Variants in PCM1 observed in about 807,000 individuals in gnomAD.
The protein encoded by PCM1 is pericentriolar material 1 protein.
Under a neutral mutation model 241.9 loss-of-function variants are expected in PCM1, and 157 were observed. The observed-to-expected ratio is 0.65, with a 90% CI of 0.57 to 0.74. The LOEUF (loss-of-function observed/expected upper bound fraction) is 0.74, where lower values mean the gene tolerates loss of function less well. Among genes scored for constraint, PCM1 ranks in the 30% least tolerant of loss-of-function variants. The probability of loss-of-function intolerance (pLI) is 0.00; values close to 1 mark genes in which losing one functional copy is unlikely to be tolerated. For missense variants in PCM1, 3,478 were observed against 2,360.1 expected (o/e 1.47, Z -9.81); for synonymous variants, 1,085 against 784.9 (o/e 1.38, Z -6.39).
Position 17,938,962 on chromosome 8 carries a change from G to C in PCM1, c.565G>C (p.Val189Leu). ...LSNDLLQNCQ[V>L]SEEDGRGEPA... ...TAATGACCTCTTGCAAAACTGTCAG[G>C]TGTCTGAAGAAGATGGGAGGGGAGA... Residue 189 changes from valine to leucine, a missense_variant, in exon 5 of 39, where the codon GTG becomes CTG. Physicochemically the swap from Val to Leu is conservative, Grantham distance 32. Transcript: ENST00000325083. 1 of 1,613,766 alleles carries C rather than the reference G, an allele frequency of 6.2e-7. No individual in the cohort carries two copies. Among genetic ancestry groups the C allele is most frequent in the South Asian group, 1.1e-5 (1 of 91,080 alleles).
chr8:17,937,184 G>A lies in PCM1; in HGVS notation c.147G>A (p.Lys49=), dbSNP rs2060678646. ...KKANRSSEKN[K]KKFGVESDKR... ...CAAATAGATCATCAGAAAAGAATAAGAAAAAGTTTGGTGTAGAAAGTGATA... is the reference window on the plus strand; with the variant it reads ...CAAATAGATCATCAGAAAAGAATAAAAAAAAGTTTGGTGTAGAAAGTGATA... Residue 49 remains lysine, a synonymous_variant, in exon 4 of 39, where the codon AAG becomes AAA. Coordinates refer to ENST00000325083, the MANE Select transcript of PCM1 (RefSeq NM_006197.4). 4.4e-6 allele frequency: 7 copies of A among 1,590,514 alleles called. No homozygotes were observed. Among genetic ancestry groups the A allele is most frequent in the Non-Finnish European group, 6.0e-6 (7 of 1,166,756 alleles).
intron 21 of PCM1, among the ~76,000 whole-genome samples, chr8:17,969,010 C>G (rs1406648737): frequency 6.6e-6 from 1 of 151,552 alleles, no homozygotes; most frequent in African/African-American, 2.4e-5. Flanking sequence ...TTTTGTGAAA[C>G]CTTCCCAGTC....
In PCM1 at chr8:17,960,397, A is replaced by G. The variant is rs776937740; in HGVS notation, c.2275A>G (p.Ile759Val). 5.0e-6 allele frequency: 8 copies of G among 1,606,972 alleles called. No individual in the cohort carries two copies. The highest frequency in any genetic ancestry group is 6.8e-6 in the Non-Finnish European group (8 of 1,177,482). The change falls in exon 15 of 39, where the codon ATT becomes GTT. Residue 759 changes from isoleucine to valine, a missense_variant. Physicochemically the swap from Ile to Val is conservative, Grantham distance 29 (BLOSUM62 3). Coordinates refer to ENST00000325083, the MANE Select transcript of PCM1 (RefSeq NM_006197.4). Reference protein sequence around the residue: ...LQEERKKLIDIQEKIQALQTA... With the variant: ...LQEERKKLIDVQEKIQALQTA... ...GGAAGAAAGAAAGAAACTGATTGAC[A>G]TTCAGGAGAAAATTCAAGCATTGCA...
At chr8:18,001,458 T>C (rs1308220454) in intron 29 of PCM1, among the ~76,000 whole-genome samples, 1 of 152,204 alleles carries the variant, frequency 6.6e-6, no homozygotes, top group Admixed American at 6.5e-5. Flanking sequence ...CCATCAACAT[T>C]GATAGTATCA....
intron 36 of PCM1, among the ~76,000 whole-genome samples, chr8:18,019,876 T>C (rs1231298361): frequency 1.3e-5 from 2 of 152,188 alleles, no homozygotes; most frequent in African/African-American, 4.8e-5. Context: ...GTGATCTGAC[T>C]GCAGAGAGAA....
rs1480345182 is a variant in PCM1, at chr8:18,009,506, G to C, written c.4963-41G>C. 8 of 1,292,100 alleles carry C rather than the reference G, an allele frequency of 6.2e-6. No homozygotes were observed. The Admixed American group carries it at 8.4e-5, about 14-fold the overall frequency. The allele number at this position is 1,292,100 out of a possible 1,614,324, so 80.0% of individuals were successfully genotyped here. ...AAAGTAATAGTATTTTATAATTGAA[G>C]TTTACTGTCTTTAAAAATTATTTGG... On this transcript the variant is annotated intron_variant, in intron 30 of 38. Transcript: ENST00000325083.
chr8:17,973,031 T>A (rs1564074802), intron 23 of PCM1, among the ~76,000 whole-genome samples: 1 of 152,146 alleles, frequency 6.6e-6, no homozygotes, highest in Non-Finnish European at 1.5e-5. Context: ...TCTTTGGTCA[T>A]GACTTTTAGA....
chr8:17,991,706 T>C lies in PCM1; in HGVS notation c.4690+6T>C. On this transcript the variant is annotated splice_donor_region_variant and intron_variant, in intron 28 of 38. Coordinates refer to ENST00000325083, the MANE Select transcript of PCM1 (RefSeq NM_006197.4). ...TACAGTTAATAATTTAGAAGGTATA[T>C]ATTTTTGTTTTCGGTAGGTTTTTGG... 1 of 1,539,910 alleles carries C rather than the reference T, an allele frequency of 6.5e-7. No homozygotes were observed. Among genetic ancestry groups the C allele is most frequent in the African/African-American group, 1.4e-5 (1 of 72,642 alleles).
chr8:17,964,597 A>C lies in PCM1; in HGVS notation c.2684A>C (p.Gln895Pro). Reference protein sequence around the residue: ...KTMATWGGSTQCALDEEGDED... With the variant: ...KTMATWGGSTPCALDEEGDED... ...ATGGCAACTTGGGGAGGGTCTACCC[A>C]GTGTGCACTAGATGAAGAAGGAGAT... The change falls in exon 18 of 39, where the codon CAG (glutamine) becomes CCG (proline). Residue 895 changes from glutamine (Q) to proline (P), a missense_variant. Gln to Pro is a moderately conservative substitution (Grantham distance 76). Transcript: ENST00000325083. 6.2e-7 allele frequency: 1 copy of C among 1,613,856 alleles called. No individual in the cohort carries two copies. The highest frequency in any genetic ancestry group is 8.5e-7 in the Non-Finnish European group (1 of 1,179,808).
rs531824514 is a variant in PCM1 at position 17,939,406 on chromosome 8, G to A, written c.613-285G>A. On this transcript the variant is annotated intron_variant, in intron 5 of 38. Coordinates refer to ENST00000325083, the MANE Select transcript of PCM1 (RefSeq NM_006197.4). The stretch of plus-strand genomic sequence containing the variant: ...ATTAGGAAAATTTATATAAAAAATT[G>A]TATGCAGTTGTAGAAGTAAAATTTT... Among the ~76,000 whole-genome samples the A allele has an allele frequency of 8.8e-4, 133 of 151,738 alleles. 1 individual carries two copies. Among genetic ancestry groups the A allele is most frequent in the African/African-American group, 2.9e-3 (120 of 41,386 alleles).
At chr8:17,969,176 TC>T (rs2076052806) in intron 21 of PCM1, among the ~76,000 whole-genome samples, 1 of 152,188 alleles carries the variant, frequency 6.6e-6, no homozygotes, top group Admixed American at 6.5e-5. Flanking sequence ...ATCATCTTTT[TC>T]ATTTATTAGA....
intron 2 of PCM1, among the ~76,000 whole-genome samples, chr8:17,931,283 C>T (rs560893049): frequency 6.6e-6 from 1 of 151,962 alleles, no homozygotes; most frequent in South Asian, 2.1e-4. Context: ...AACATTCTTT[C>T]TCCAGATATA....
intron 30 of PCM1, among the ~76,000 whole-genome samples, chr8:18,008,502 C>T (rs2091916618): frequency 6.6e-6 from 1 of 152,028 alleles, no homozygotes; most frequent in African/African-American, 2.4e-5. Flanking sequence ...GAAACCTTCC[C>T]CCAAGCTATG....
intron 29 of PCM1, among the ~76,000 whole-genome samples, chr8:18,002,922 ACT>A (rs2090097771): frequency 6.6e-6 from 1 of 151,594 alleles, no homozygotes; most frequent in South Asian, 2.1e-4. Flanking sequence ...TGACCTTTCA[ACT>A]CTCCTACTAG....
chr8:18,021,960 C>T (rs544541015), intron 36 of PCM1, among the ~76,000 whole-genome samples: 1 of 152,304 alleles, frequency 6.6e-6, no homozygotes, highest in African/African-American at 2.4e-5. Context: ...TTTTTGTGAA[C>T]TGCCTACCAG....
At chr8:17,940,422 T>C (rs2285304) in intron 6 of PCM1, among the ~76,000 whole-genome samples, 1 of 152,032 alleles carries the variant, frequency 6.6e-6, no homozygotes, top group Non-Finnish European at 1.5e-5. Context: ...TTTTGTAGTT[T>C]GTTTTGTTAA....
At chr8:17,991,476 A>AT in intron 27 of PCM1, 66 bp from the exon 28 acceptor site, 2 of 1,365,594 alleles carry the variant, frequency 1.5e-6, no homozygotes, top group Non-Finnish European at 2.0e-6. Context: ...TTATTAATGC[A>AT]TTTTGAGGAA....
chr8:17,961,196 G>T (rs1010644074), intron 15 of PCM1, among the ~76,000 whole-genome samples: 2 of 150,914 alleles, frequency 1.3e-5, no homozygotes, highest in East Asian at 3.9e-4. Flanking sequence ...CATGGGTCTT[G>T]AGATTGAACA....
At chr8:18,010,222 T>C (rs1013214431) in intron 31 of PCM1, among the ~76,000 whole-genome samples, 1 of 152,196 alleles carries the variant, frequency 6.6e-6, no homozygotes, top group African/African-American at 2.4e-5. Flanking sequence ...CAGGTGAGAT[T>C]GGATGACTGT....
Sources: allele counts gnomAD v4.1 joint callset (sites outside exome capture counted in the v4.1 genomes callset), GRCh38; gene constraint gnomAD v4.1.1; transcripts MANE v1.5; gene names NCBI Gene and HGNC (gene_info 2026-07-23, HGNC 2026-07-21).